The following TNR variants were observed in gnomAD, a reference collection of about 807,000 sequenced individuals.
TNR encodes tenascin-R.
TNR carries 45 observed loss-of-function variants against 150.4 expected under a neutral mutation model. The ratio of observed to expected loss-of-function variants is 0.30; its 90% CI spans 0.24 to 0.38. TNR has a LOEUF of 0.38. TNR is among the 10% of genes least tolerant of loss of function. The pLI, the probability that TNR is intolerant of heterozygous loss-of-function variation, is 1.00. For missense variants in TNR, 1,544 were observed against 1,759.1 expected, an observed-to-expected ratio of 0.88 and a Z score of 2.19; for synonymous variants, 687 against 678.4, an observed-to-expected ratio of 1.01 and a Z score of -0.20.
chr1:175,678,896 T>C (rs1179801561), intron 1 of TNR, among the ~76,000 whole-genome samples: 2 of 152,112 alleles, frequency 1.3e-5, no homozygotes, highest in South Asian at 4.1e-4. Flanking sequence ...AGAGTACAAG[T>C]GGAAAGCTGT....
intron 1 of TNR, among the ~76,000 whole-genome samples, chr1:175,624,480 A>C (rs1664082019): frequency 1.3e-5 from 2 of 152,202 alleles, no homozygotes; most frequent in South Asian, 4.2e-4. Flanking sequence ...AGAGACATAC[A>C]TGGAGAAGAA....
Position 175,503,712 on chromosome 1 carries a change from G to A in TNR, c.-64+24557C>T, listed in dbSNP as rs947335851. 8.5e-5 allele frequency among the ~76,000 whole-genome samples: 13 copies of A among 152,314 alleles called. No individual in the cohort carries two copies. The East Asian group carries it at 2.5e-3, about 29-fold the overall frequency. On this transcript the variant is annotated intron_variant, in intron 2 of 22. Coordinates refer to ENST00000367674, the MANE Select transcript of TNR (RefSeq NM_003285.3). ...CTCATGACGCTCCATTCACGGAGCC[G>A]TGGAATAACAGCATTCAAGCTGAGC...
At chr1:175,491,687 T>G (rs1451140416) in intron 2 of TNR, among the ~76,000 whole-genome samples, 1 of 133,532 alleles carries the variant, frequency 7.5e-6, no homozygotes, top group Non-Finnish European at 1.6e-5. Flanking sequence ...TCTCGCTCTG[T>G]TGCCCAGGCT....
intron 14 of TNR, 122 bp downstream of exon 14, chr1:175,362,539 CAG>C: frequency 1.7e-6 from 2 of 1,209,914 alleles, no homozygotes; most frequent in Non-Finnish European, 2.3e-6. Flanking sequence ...CTGCAAGACA[CAG>C]TGAGTTGGAG....
intron 1 of TNR, among the ~76,000 whole-genome samples, chr1:175,622,887 A>C (rs535331004): frequency 6.6e-6 from 1 of 152,106 alleles, no homozygotes; most frequent in Non-Finnish European, 1.5e-5. Flanking sequence ...ATCTGTCTTC[A>C]TATTTACATG....
intron 6 of TNR, among the ~76,000 whole-genome samples, chr1:175,392,914 G>T (rs1653247872): frequency 6.6e-6 from 1 of 152,222 alleles, no homozygotes; most frequent in African/African-American, 2.4e-5. Flanking sequence ...ACAGCTCTAA[G>T]AATTTTGAAG....
chr1:175,722,057 G>C (rs1393026905), intron 1 of TNR, among the ~76,000 whole-genome samples: 3 of 152,080 alleles, frequency 2.0e-5, no homozygotes, highest in African/African-American at 7.2e-5. Flanking sequence ...ACTCCCTCCA[G>C]GTGTTCTCAG....
intron 14 of TNR, among the ~76,000 whole-genome samples, chr1:175,361,195 G>A (rs1651570781): frequency 6.6e-6 from 1 of 152,200 alleles, no homozygotes; most frequent in Non-Finnish European, 1.5e-5. Flanking sequence ...CCTGGTAGCT[G>A]AGACTACAGG....
intron 1 of TNR, among the ~76,000 whole-genome samples, chr1:175,639,734 A>T (rs1664595250): frequency 6.6e-6 from 1 of 152,202 alleles, no homozygotes. Flanking sequence ...CTTCTAGCTT[A>T]GTCCTCACCA....
chr1:175,658,542 C>T lies in TNR; in HGVS notation c.-165+84684G>A, dbSNP rs146128988. The stretch of plus-strand genomic sequence containing the variant: ...GGCTGCAAAGGCCTGGCCAGGAACA[C>T]ACAGGGAGGTGCTAAGTAGCTTGCA... On this transcript the variant is annotated intron_variant, in intron 1 of 22. Coordinates refer to ENST00000367674, the MANE Select transcript of TNR (RefSeq NM_003285.3). Among the ~76,000 whole-genome samples the T allele has an allele frequency of 2.9e-3, 449 of 152,308 alleles. 6 individuals carry two copies. The highest frequency in any genetic ancestry group is 0.01 in the African/African-American group (424 of 41,554).
chr1:175,526,026 T>C (rs2102174592), intron 2 of TNR, among the ~76,000 whole-genome samples: 1 of 151,932 alleles, frequency 6.6e-6, no homozygotes, highest in African/African-American at 2.4e-5. Context: ...TTTTTTTAAA[T>C]TCCCCTTTCC....
chr1:175,446,541 A>G (rs201070532), intron 2 of TNR, among the ~76,000 whole-genome samples: 22 of 152,244 alleles, frequency 1.4e-4, no homozygotes, highest in African/African-American at 4.8e-4. Flanking sequence ...GATAAAACTC[A>G]TATGTATAGA....
At chr1:175,398,078 T>C (rs1255486547) in intron 4 of TNR, among the ~76,000 whole-genome samples, 1 of 152,220 alleles carries the variant, frequency 6.6e-6, no homozygotes, top group Non-Finnish European at 1.5e-5. Context: ...CCAGGTAGGC[T>C]GAGGCCAGCT....
intron 1 of TNR, among the ~76,000 whole-genome samples, chr1:175,655,037 A>G (rs1665317050): frequency 6.6e-6 from 1 of 152,040 alleles, no homozygotes; most frequent in African/African-American, 2.4e-5. Flanking sequence ...GGTCCCTTCT[A>G]TCAAGTGGGT....
intron 1 of TNR, among the ~76,000 whole-genome samples, chr1:175,558,659 T>A (rs1240316109): frequency 6.6e-6 from 1 of 152,216 alleles, no homozygotes; most frequent in Admixed American, 6.5e-5. Flanking sequence ...TTTTACAGGA[T>A]AAAAATTGTA....
At chr1:175,689,855 C>T (rs1203586652) in intron 1 of TNR, among the ~76,000 whole-genome samples, 1 of 152,172 alleles carries the variant, frequency 6.6e-6, no homozygotes, top group Non-Finnish European at 1.5e-5. Context: ...GTCCTTTTCT[C>T]CAATACCTGA....
At chr1:175,674,615 C>G (rs1571739458) in intron 1 of TNR, among the ~76,000 whole-genome samples, 1 of 152,266 alleles carries the variant, frequency 6.6e-6, no homozygotes, top group African/African-American at 2.4e-5. Flanking sequence ...CCAACCAACC[C>G]CTTTGCTAAA....
intron 2 of TNR, among the ~76,000 whole-genome samples, chr1:175,445,003 G>C (rs962149499): frequency 6.6e-6 from 1 of 152,186 alleles, no homozygotes; most frequent in African/African-American, 2.4e-5. Flanking sequence ...GGGCGCGGTG[G>C]CTCACACCTG....
chr1:175,441,858 T>TA (rs1327418663), intron 2 of TNR, among the ~76,000 whole-genome samples: 1 of 152,126 alleles, frequency 6.6e-6, no homozygotes, highest in Non-Finnish European at 1.5e-5. Flanking sequence ...AAAGGCTTCT[T>TA]AAAAAAATCT....
Sources: gnomAD v4.1 joint callset for allele counts (sites outside exome capture counted in the v4.1 genomes callset) on GRCh38, gnomAD v4.1.1 for gene constraint, MANE v1.5 for transcripts, NCBI Gene and HGNC (gene_info 2026-07-23, HGNC 2026-07-21) for gene names.